LRMDA: variants seen among roughly 807,000 people sequenced by gnomAD.
LRMDA encodes the protein leucine-rich melanocyte differentiation-associated protein.
LRMDA carries 18 observed loss-of-function variants against 29.8 expected under a neutral mutation model. That is an observed-to-expected ratio of 0.60 (90% CI 0.42 to 0.90). The LOEUF (loss-of-function observed/expected upper bound fraction) is 0.90, where lower values mean the gene tolerates loss of function less well. LRMDA is among the 40% of genes least tolerant of loss of function. The pLI, the probability that LRMDA is intolerant of heterozygous loss-of-function variation, is 0.00. For missense variants in LRMDA, 273 were observed against 273.9 expected (o/e 1.00, Z 0.02); for synonymous variants, 125 against 109.4 (o/e 1.14, Z -0.89).
chr10:75,763,282 CT>C (rs146094509), intron 2 of LRMDA, among the ~76,000 whole-genome samples: 3,645 of 152,024 alleles, frequency 0.024, 147 homozygotes, highest in African/African-American at 0.084. Context: ...AAATCTGTTC[CT>C]GATGGCCAGA....
chr10:75,934,563 C>T (rs1049138982), intron 2 of LRMDA, among the ~76,000 whole-genome samples: 2 of 152,144 alleles, frequency 1.3e-5, no homozygotes, highest in African/African-American at 4.8e-5. Context: ...GTGCCAGAGA[C>T]CTGGGTAACA....
intron 2 of LRMDA, among the ~76,000 whole-genome samples, chr10:75,686,840 A>G (rs974397939): frequency 3.3e-5 from 5 of 152,212 alleles, no homozygotes; most frequent in Admixed American, 1.3e-4. Context: ...TTCCAAGAGC[A>G]TGTGCTCGCT....
In LRMDA at chr10:75,705,233, T is replaced by C. The variant is rs75410653; in HGVS notation, c.131+266739T>C. On this transcript the variant is annotated intron_variant, in intron 2 of 6. Transcript: ENST00000611255. ...CCAGTCTTCAAAGTATCAGCAATGG[T>C]GTTGAGCTGAGATGTTTATGAAGAA... Among the ~76,000 whole-genome samples, 14 of 152,288 alleles carry C rather than the reference T, an allele frequency of 9.2e-5. No homozygotes were observed. The East Asian group carries it at 2.5e-3, about 27-fold the overall frequency.
chr10:75,811,677 G>A (rs1446597338), intron 2 of LRMDA, among the ~76,000 whole-genome samples: 1 of 152,198 alleles, frequency 6.6e-6, no homozygotes, highest in African/African-American at 2.4e-5. Context: ...GATGCTGAGG[G>A]CCCGAGAGGC....
chr10:75,739,573 T>A (rs1842805596), intron 2 of LRMDA, among the ~76,000 whole-genome samples: 1 of 152,206 alleles, frequency 6.6e-6, no homozygotes, highest in Non-Finnish European at 1.5e-5. Flanking sequence ...GTTGGCGGGT[T>A]TGACAGCTTC....
intron 5 of LRMDA, among the ~76,000 whole-genome samples, chr10:76,079,344 G>A (rs1301896627): frequency 6.6e-6 from 1 of 152,164 alleles, no homozygotes; most frequent in Non-Finnish European, 1.5e-5. Context: ...AGTTGGGTGT[G>A]CAGTTTTGCA....
chr10:75,839,387 G>T (rs1844495865), intron 2 of LRMDA, among the ~76,000 whole-genome samples: 1 of 152,164 alleles, frequency 6.6e-6, no homozygotes, highest in East Asian at 1.9e-4. Context: ...CAAACAAAGT[G>T]CATGTGTTGT....
chr10:75,677,760 A>G (rs1198871090), intron 2 of LRMDA, among the ~76,000 whole-genome samples: 1 of 152,198 alleles, frequency 6.6e-6, no homozygotes, highest in Non-Finnish European at 1.5e-5. Context: ...GGAGTCTTAT[A>G]TTGAGGCCAA....
At chr10:75,598,724 G>A (rs1206219947) in intron 2 of LRMDA, among the ~76,000 whole-genome samples, 2 of 152,062 alleles carry the variant, frequency 1.3e-5, no homozygotes, top group African/African-American at 4.8e-5. Flanking sequence ...TCCTCCTTCC[G>A]CGGTCTTTCT....
chr10:75,808,948 G>A (rs1408074824), intron 2 of LRMDA, among the ~76,000 whole-genome samples: 1 of 152,224 alleles, frequency 6.6e-6, no homozygotes, highest in African/African-American at 2.4e-5. Flanking sequence ...CTGCACAGAA[G>A]CCCCTGGGCC....
At position 76,353,352 on chromosome 10, in the gene LRMDA, G is replaced by C. The variant is rs532773619; in HGVS notation, c.601+28867G>C. ...GAGTTGTGTGTGTGTGTGTGTGTGTGTGTGTGTGTGAGATAGATTGAGGCC... is the reference window on the plus strand; with the variant it reads ...GAGTTGTGTGTGTGTGTGTGTGTGTCTGTGTGTGTGAGATAGATTGAGGCC... On this transcript the variant is annotated intron_variant, in intron 6 of 6. Transcript: ENST00000611255. Among the ~76,000 whole-genome samples the C allele has an allele frequency of 1.3e-4, 20 of 152,022 alleles. No individual in the cohort carries two copies. In the South Asian group the frequency reaches 4.0e-3, roughly 30 times the overall value.
At chr10:76,205,321 T>C (rs1851514493) in intron 5 of LRMDA, among the ~76,000 whole-genome samples, 1 of 152,166 alleles carries the variant, frequency 6.6e-6, no homozygotes, top group Non-Finnish European at 1.5e-5. Context: ...ATCCTGGGTT[T>C]CGAGGTGGAT....
rs527676974 is a variant in LRMDA, at chr10:76,433,113, G to T, written c.601+108628G>T. Among the ~76,000 whole-genome samples, 4 of 152,308 alleles carry T rather than the reference G, an allele frequency of 2.6e-5. No homozygotes were observed. The South Asian group carries it at 8.3e-4, about 32-fold the overall frequency. On this transcript the variant is annotated intron_variant, in intron 6 of 6. Coordinates refer to ENST00000611255, the MANE Select transcript of LRMDA (RefSeq NM_001305581.2). ...GGGCCTTGTTCAGCAAAGGAAGATT[G>T]CTGTCTCCCAGTCCAGTGCAGCTGA... is the stretch of plus-strand genomic sequence containing the variant.
At chr10:75,488,286 C>A (rs111914500) in intron 2 of LRMDA, among the ~76,000 whole-genome samples, 6 of 152,126 alleles carry the variant, frequency 3.9e-5, no homozygotes, top group Non-Finnish European at 7.4e-5. Context: ...AGAACTTTTC[C>A]TTTCTTTTCC....
chr10:75,449,368 A>G (rs1442912166), intron 2 of LRMDA, among the ~76,000 whole-genome samples: 1 of 152,144 alleles, frequency 6.6e-6, no homozygotes, highest in Non-Finnish European at 1.5e-5. Flanking sequence ...TGATGGTTAA[A>G]TGGGAGAGCT....
intron 2 of LRMDA, among the ~76,000 whole-genome samples, chr10:75,508,694 G>A (rs1034814333): frequency 6.6e-6 from 1 of 152,214 alleles, no homozygotes. Context: ...TACAGTGTGT[G>A]CTGTATGAGT....
chr10:75,468,831 C>T (rs528345243), intron 2 of LRMDA, among the ~76,000 whole-genome samples: 6 of 151,942 alleles, frequency 3.9e-5, no homozygotes, highest in South Asian at 2.1e-4. Flanking sequence ...ACAAAGGCTT[C>T]GTTCTGATTA....
rs1305269327 is a variant in LRMDA, at chr10:76,364,964, C to T, written c.601+40479C>T. Among the ~76,000 whole-genome samples the T allele has an allele frequency of 2.0e-5, 3 of 151,436 alleles. No homozygotes were observed. The East Asian group carries it at 5.8e-4, about 29-fold the overall frequency. Reference sequence around the variant, plus strand: ...AACATACAATGTTTGGTTTTCCATTCCTGAGTTACATCACTTAGAATAATA... The same window carrying T: ...AACATACAATGTTTGGTTTTCCATTTCTGAGTTACATCACTTAGAATAATA... On this transcript the variant is annotated intron_variant, in intron 6 of 6. Transcript: ENST00000611255.
chr10:76,156,726 A>T (rs1486658455), intron 5 of LRMDA, among the ~76,000 whole-genome samples: 1 of 152,316 alleles, frequency 6.6e-6, no homozygotes, highest in East Asian at 1.9e-4. Context: ...TGGGGACTTA[A>T]GGCTCATGAT....
Sources: gnomAD v4.1 joint callset for allele counts (sites outside exome capture counted in the v4.1 genomes callset) on GRCh38, gnomAD v4.1.1 for gene constraint, MANE v1.5 for transcripts, NCBI Gene and HGNC (gene_info 2026-07-23, HGNC 2026-07-21) for gene names.